AGBL4: variants seen among roughly 807,000 people sequenced by gnomAD.
The protein encoded by AGBL4 is cytosolic carboxypeptidase 6.
AGBL4 carries 58 observed loss-of-function variants against 66.4 expected under a neutral mutation model. The observed-to-expected ratio is 0.87, with a 90% confidence interval of 0.71 to 1.09. The LOEUF (loss-of-function observed/expected upper bound fraction) is 1.09, where lower values mean the gene tolerates loss of function less well. AGBL4 is among the 50% of genes least tolerant of loss of function. The probability of loss-of-function intolerance (pLI) is 0.00; values close to 1 mark genes in which losing one functional copy is unlikely to be tolerated. For missense variants in AGBL4, 579 were observed against 631.0 expected, an observed-to-expected ratio of 0.92 and a Z score of 0.88; for synonymous variants, 234 against 222.9, an observed-to-expected ratio of 1.05 and a Z score of -0.44.
intron 2 of AGBL4, among the ~76,000 whole-genome samples, chr1:49,785,851 A>G (rs1644438563): frequency 6.7e-6 from 1 of 148,738 alleles, no homozygotes; most frequent in Non-Finnish European, 1.5e-5. Flanking sequence ...AAAAATCAAT[A>G]TGCACAATTT....
chr1:49,492,452 C>CTG (rs1647210741), intron 3 of AGBL4, among the ~76,000 whole-genome samples: 1 of 151,964 alleles, frequency 6.6e-6, no homozygotes, highest in Admixed American at 6.6e-5. Flanking sequence ...CTGTGGGTAA[C>CTG]TGAAACTGTG....
intron 6 of AGBL4, among the ~76,000 whole-genome samples, chr1:48,671,055 C>T (rs768179716): frequency 1.2e-4 from 18 of 152,210 alleles, no homozygotes; most frequent in Non-Finnish European, 2.5e-4. Flanking sequence ...CTGGATATGG[C>T]CTGCCATCAG....
intron 4 of AGBL4, among the ~76,000 whole-genome samples, chr1:49,218,810 T>C (rs1057153230): frequency 3.9e-5 from 6 of 152,002 alleles, no homozygotes; most frequent in African/African-American, 1.4e-4. Context: ...GGTAACTGAA[T>C]CATTGGGGCA....
intron 3 of AGBL4, among the ~76,000 whole-genome samples, chr1:49,393,402 T>C (rs1348076755): frequency 6.6e-6 from 1 of 152,168 alleles, no homozygotes; most frequent in East Asian, 1.9e-4. Context: ...CACTTCTTAT[T>C]CCCAATACTA....
chr1:48,827,242 T>G (rs1351092025), intron 6 of AGBL4, among the ~76,000 whole-genome samples: 1 of 152,230 alleles, frequency 6.6e-6, no homozygotes, highest in Non-Finnish European at 1.5e-5. Flanking sequence ...TCTGCATCTT[T>G]ACTGACTAGA....
At chr1:49,514,085 G>C (rs938439935) in intron 3 of AGBL4, among the ~76,000 whole-genome samples, 1 of 151,946 alleles carries the variant, frequency 6.6e-6, no homozygotes, top group African/African-American at 2.4e-5. Context: ...CTGAGACTTT[G>C]CTGAAGTTGC....
chr1:49,663,242 C>T (rs750020459), intron 3 of AGBL4, among the ~76,000 whole-genome samples: 7 of 152,052 alleles, frequency 4.6e-5, no homozygotes, highest in Non-Finnish European at 1.0e-4. Context: ...ATTTTGTTTC[C>T]TTCCCATAGC....
chr1:49,471,643 A>G (rs1395105887), intron 3 of AGBL4, among the ~76,000 whole-genome samples: 1 of 151,904 alleles, frequency 6.6e-6, no homozygotes, highest in African/African-American at 2.4e-5. Flanking sequence ...CTGAAATGCC[A>G]GTAGGTACAA....
intron 3 of AGBL4, among the ~76,000 whole-genome samples, chr1:49,631,435 G>C (rs1394365129): frequency 6.6e-6 from 1 of 152,064 alleles, no homozygotes; most frequent in Non-Finnish European, 1.5e-5. Context: ...GCAATAATTA[G>C]CTAACTCCAC....
chr1:48,940,049 C>T (rs1655825604), intron 5 of AGBL4, among the ~76,000 whole-genome samples: 1 of 152,148 alleles, frequency 6.6e-6, no homozygotes, highest in African/African-American at 2.4e-5. Flanking sequence ...CTGTTCTAGT[C>T]CCTTTACAGT....
intron 6 of AGBL4, among the ~76,000 whole-genome samples, chr1:48,733,996 C>T (rs1648595513): frequency 6.6e-6 from 1 of 152,190 alleles, no homozygotes; most frequent in African/African-American, 2.4e-5. Flanking sequence ...CCAGGACCTC[C>T]TGAGTCACGT....
At chr1:48,549,392 A>T (rs1644215603) in intron 11 of AGBL4, among the ~76,000 whole-genome samples, 1 of 152,220 alleles carries the variant, frequency 6.6e-6, no homozygotes, top group Admixed American at 6.5e-5. Context: ...GCAATTGCAG[A>T]GTCCTTTCCC....
intron 5 of AGBL4, among the ~76,000 whole-genome samples, chr1:48,911,846 C>A (rs541651439): frequency 3.9e-5 from 6 of 152,118 alleles, no homozygotes; most frequent in Non-Finnish European, 7.3e-5. Context: ...AAAGTAATTT[C>A]TCCTTTTCCT....
chr1:49,440,764 G>C (rs148037909), intron 3 of AGBL4, among the ~76,000 whole-genome samples: 292 of 152,264 alleles, frequency 1.9e-3, no homozygotes, highest in Non-Finnish European at 3.0e-3. Context: ...AAAGGTGCAC[G>C]TACAGCCTCG....
At chr1:48,748,269 G>A (rs1471977960) in intron 6 of AGBL4, among the ~76,000 whole-genome samples, 1 of 152,210 alleles carries the variant, frequency 6.6e-6, no homozygotes, top group Non-Finnish European at 1.5e-5. Context: ...GTCATCAGCT[G>A]CTCTCACCTG....
At chr1:48,562,345 T>A (rs1169686645) in intron 11 of AGBL4, among the ~76,000 whole-genome samples, 1 of 152,214 alleles carries the variant, frequency 6.6e-6, no homozygotes, top group Non-Finnish European at 1.5e-5. Context: ...GTGAGGTGCC[T>A]GTCCATGGTT....
chr1:49,502,350 A>C (rs751881049), intron 3 of AGBL4, among the ~76,000 whole-genome samples: 2 of 152,118 alleles, frequency 1.3e-5, no homozygotes, highest in African/African-American at 2.4e-5. Flanking sequence ...ACTCCTCTTC[A>C]TATATTCATC....
At chr1:48,526,726 A>T in the AGBL4 span, among the ~76,000 whole-genome samples, 2 of 151,802 alleles carry the variant, frequency 1.3e-5, no homozygotes, top group African/African-American at 2.4e-5. Context: ...TAATAGCAAC[A>T]GCAATGTTTT....
chr1:48,797,683 C>T (rs912658341), intron 6 of AGBL4, among the ~76,000 whole-genome samples: 5 of 151,944 alleles, frequency 3.3e-5, no homozygotes, highest in African/African-American at 7.3e-5. Flanking sequence ...CTGCAACCTT[C>T]GCCACCTGGG....
Sources: allele counts gnomAD v4.1 joint callset (sites outside exome capture counted in the v4.1 genomes callset), GRCh38; gene constraint gnomAD v4.1.1; transcripts MANE v1.5; gene names NCBI Gene and HGNC (gene_info 2026-07-23, HGNC 2026-07-21).